Variants in MGAT5 observed in about 807,000 individuals in gnomAD.
MGAT5 encodes alpha-1,6-mannosylglycoprotein 6-beta-N-acetylglucosaminyltransferase, also known as alpha-1,6-mannosylglycoprotein 6-beta-N-acetylglucosaminyltransferase A.
Under a neutral mutation model 94.3 loss-of-function variants are expected in MGAT5, and 30 were observed. That is an observed-to-expected ratio of 0.32 (90% CI 0.24 to 0.43). MGAT5 has a LOEUF of 0.43. Among genes scored for constraint, MGAT5 ranks in the 20% least tolerant of loss-of-function variants. The pLI is 1.00. For synonymous variants in MGAT5, 310 were observed against 322.9 expected (o/e 0.96, Z 0.43); for missense variants, 691 against 905.5 (o/e 0.76, Z 3.04).
chr2:134,328,345 G>A (rs1234822296), intron 4 of MGAT5, among the ~76,000 whole-genome samples: 1 of 151,924 alleles, frequency 6.6e-6, no homozygotes, highest in East Asian at 1.9e-4. Context: ...TCTTGTCAGG[G>A]GGCAGCAGTA....
At chr2:134,194,826 C>G (rs1273435992) in intron 1 of MGAT5, among the ~76,000 whole-genome samples, 2 of 152,174 alleles carry the variant, frequency 1.3e-5, no homozygotes, top group African/African-American at 4.8e-5. Flanking sequence ...GGAATATCTT[C>G]CATGAGCATT....
chr2:134,171,542 T>C lies in MGAT5; in HGVS notation c.-143+51251T>C, dbSNP rs545898802. Among the ~76,000 whole-genome samples the C allele has an allele frequency of 2.4e-4, 37 of 152,308 alleles. No homozygotes were observed. The South Asian group carries it at 7.3e-3, about 30-fold the overall frequency. ...AGTGAGATAATAATTTTTAGACAAA[T>C]GCCTCTGGGTGTCGAAGTGATAGGG... On this transcript the variant is annotated intron_variant, in intron 1 of 16. Transcript: ENST00000409645.
intron 1 of MGAT5, among the ~76,000 whole-genome samples, chr2:134,140,037 A>G (rs934103947): frequency 5.3e-5 from 8 of 152,260 alleles, no homozygotes; most frequent in African/African-American, 1.9e-4. Flanking sequence ...GTGATGAAGA[A>G]AAAGTCCTTC....
intron 1 of MGAT5, among the ~76,000 whole-genome samples, chr2:134,181,904 TG>T (rs1235787685): frequency 2.0e-5 from 3 of 152,208 alleles, no homozygotes; most frequent in African/African-American, 7.2e-5. Context: ...AATATGCTCT[TG>T]TGTTTAGAGA....
intron 1 of MGAT5, among the ~76,000 whole-genome samples, chr2:134,168,990 G>A (rs540283702): frequency 2.6e-5 from 4 of 152,300 alleles, no homozygotes; most frequent in African/African-American, 9.6e-5. Context: ...TGTGAGACCT[G>A]CAGGTCTGGA....
chr2:134,435,498 G>A (rs1685120555), intron 14 of MGAT5, among the ~76,000 whole-genome samples: 2 of 152,088 alleles, frequency 1.3e-5, no homozygotes, highest in Admixed American at 1.3e-4. Flanking sequence ...ACCTTTTAAT[G>A]TACTATATAT....
intron 1 of MGAT5, among the ~76,000 whole-genome samples, chr2:134,138,658 G>A (rs753887639): frequency 3.3e-5 from 5 of 152,160 alleles, no homozygotes; most frequent in African/African-American, 7.2e-5. Context: ...TCCTGTTACC[G>A]TGTCTTGTGC....
chr2:134,215,024 A>G (rs1212225084), intron 1 of MGAT5, among the ~76,000 whole-genome samples: 1 of 152,136 alleles, frequency 6.6e-6, no homozygotes, highest in African/African-American at 2.4e-5. Context: ...TAAACTCATA[A>G]AATGGAAACT....
chr2:134,270,583 G>GT, intron 2 of MGAT5, 33 bp downstream of exon 2: 4 of 1,608,402 alleles, frequency 2.5e-6, no homozygotes, highest in Non-Finnish European at 2.6e-6. Flanking sequence ...CTGATATGGA[G>GT]TCACACCCTG....
intron 2 of MGAT5, among the ~76,000 whole-genome samples, chr2:134,303,111 T>C (rs7564658): frequency 0.029 from 4,453 of 152,256 alleles, 235 homozygotes; most frequent in African/African-American, 0.1. Flanking sequence ...TGTGTTTTAT[T>C]TGTCTTAGTC....
rs1686241465 is a variant in MGAT5 at position 134,454,100 on chromosome 2, C to G, written c.*5253C>G. ...GATTTTGTGGAGCCTTAAGACACTC[C>G]CTCAATGCCACCCTGACCCCACGGC... On this transcript the variant is annotated 3_prime_UTR_variant, in exon 16 of 16. Coordinates refer to ENST00000281923, the MANE Select transcript of MGAT5 (RefSeq NM_002410.5). 6.6e-6 allele frequency: 1 copy of G among 152,214 alleles called. No homozygotes were observed. The highest frequency in any genetic ancestry group is 2.4e-5 in the African/African-American group (1 of 41,428). 9.4% of individuals were successfully genotyped at this position (152,214 alleles called of 1,614,324 possible). A position where few individuals can be genotyped will look rare whatever the true frequency, so the allele number is the denominator to read the frequency against.
intron 1 of MGAT5, among the ~76,000 whole-genome samples, chr2:134,223,474 A>G (rs971207900): frequency 1.3e-5 from 2 of 152,032 alleles, no homozygotes; most frequent in Non-Finnish European, 2.9e-5. Flanking sequence ...TGACAGTTAT[A>G]AGAGTAATTT....
chr2:134,369,816 G>A (rs376790430), intron 10 of MGAT5, among the ~76,000 whole-genome samples: 3 of 147,786 alleles, frequency 2.0e-5, no homozygotes, highest in East Asian at 2.1e-4. Context: ...TATCCTTTAC[G>A]GAAAAAATTT....
Position 134,449,154 on chromosome 2 carries a change from C to G in MGAT5, c.*307C>G. ...GCTGCTCCAGGGCAAAAGAAAGTCT[C>G]AAGAGTCCTTTAAAACAAAACAGGA... On this transcript the variant is annotated 3_prime_UTR_variant, in exon 16 of 16. Coordinates refer to ENST00000281923, the MANE Select transcript of MGAT5 (RefSeq NM_002410.5). 2 of 348,174 alleles carry G rather than the reference C, an allele frequency of 5.7e-6. No individual in the cohort carries two copies. Among genetic ancestry groups the G allele is most frequent in the Non-Finnish European group, 1.1e-5 (2 of 189,076 alleles). The allele number at this position is 348,174 out of a possible 1,614,324, so 21.6% of individuals were successfully genotyped here.
chr2:134,198,253 C>G (rs1041938522), intron 1 of MGAT5, among the ~76,000 whole-genome samples: 1 of 152,208 alleles, frequency 6.6e-6, no homozygotes, highest in African/African-American at 2.4e-5. Flanking sequence ...CTCAGTTGCC[C>G]TCCCTGAACT....
intron 1 of MGAT5, among the ~76,000 whole-genome samples, chr2:134,257,836 C>CCTTTTTTTTTTTTTTTTTTTTT (rs781189819): frequency 1.9e-5 from 2 of 106,414 alleles, no homozygotes; most frequent in Admixed American, 1.0e-4. Context: ...TTTGCAGTCT[C>CCTTTTTTTTTTTTTTTTTTTTT]TTTTTTTTTT....
At chr2:134,437,611 G>A (rs1866867) in intron 14 of MGAT5, among the ~76,000 whole-genome samples, 11,643 of 152,154 alleles carry the variant, frequency 0.077, 550 homozygotes, top group Middle Eastern at 0.14. Context: ...TAGATTTCCC[G>A]GTTGACTTAT....
chr2:134,429,861 C>T (rs1363131885), intron 14 of MGAT5, among the ~76,000 whole-genome samples: 1 of 152,220 alleles, frequency 6.6e-6, no homozygotes, highest in Non-Finnish European at 1.5e-5. Flanking sequence ...ATCTAATTCT[C>T]ACAGTAATTC....
chr2:134,337,174 T>C (rs1295570453), intron 5 of MGAT5, among the ~76,000 whole-genome samples: 2 of 152,152 alleles, frequency 1.3e-5, no homozygotes, highest in African/African-American at 2.4e-5. Context: ...GGATATTGTT[T>C]AGTCAAGAAG....
Sources: gnomAD v4.1 joint callset for allele counts (sites outside exome capture counted in the v4.1 genomes callset) on GRCh38, gnomAD v4.1.1 for gene constraint, MANE v1.5 for transcripts, NCBI Gene and HGNC (gene_info 2026-07-23, HGNC 2026-07-21) for gene names.